Variants in VARS1 observed in about 807,000 individuals in gnomAD.
The protein encoded by VARS1 is valine--tRNA ligase.
VARS1 carries 92 observed loss-of-function variants against 161.0 expected under a neutral mutation model. The ratio of observed to expected loss-of-function variants is 0.57; its 90% CI spans 0.48 to 0.68. VARS1 has a LOEUF of 0.68. Among genes scored for constraint, VARS1 ranks in the 30% least tolerant of loss-of-function variants. The pLI is 0.00. For synonymous variants in VARS1, 595 were observed against 682.5 expected, an observed-to-expected ratio of 0.87 and a Z score of 2.00; for missense variants, 1,338 against 1,695.9, an observed-to-expected ratio of 0.79 and a Z score of 3.71.
rs1813054173 is a variant in VARS1, at chr6:31,780,350, C to T, written c.2925+91G>A. ...TCCCTTTAACTGTCTGTCTCTGTGT[C>T]TATCTGTCCCCCCAGCTACATGGAG... On this transcript the variant is annotated intron_variant, in intron 25 of 29. Transcript: ENST00000375663. This position sits in a 1 kb window ranked among gnomAD's most constrained non-coding sequence, Gnocchi z 5.1. The T allele has an allele frequency of 1.3e-6, 2 of 1,555,186 alleles. No individual in the cohort carries two copies. The highest frequency in any genetic ancestry group is 8.7e-7 in the Non-Finnish European group (1 of 1,150,780).
chr6:31,787,420 G>A (rs1004937654), intron 8 of VARS1, among the ~76,000 whole-genome samples: 6 of 152,180 alleles, frequency 3.9e-5, no homozygotes, highest in Non-Finnish European at 5.9e-5. Flanking sequence ...CGAGGCAGGC[G>A]GCTTACTTCA....
Position 31,792,817 on chromosome 6 carries a change from G to C in VARS1, c.601C>G (p.Arg201Gly), listed in dbSNP as rs775266714. ...FVTCVRQPEF[R>G]AVLGEVVLYS... Reference sequence around the variant, plus strand: ...AGAACCACTTCTCCTAGCACGGCTCGGAATTCTGGCTGCCGGACACACGTG... The same window carrying C: ...AGAACCACTTCTCCTAGCACGGCTCCGAATTCTGGCTGCCGGACACACGTG... The change falls in exon 4 of 30, where the codon CGA becomes GGA. Residue 201 changes from arginine to glycine, a missense_variant. This residue lies in a region of VARS1 where 902 missense variants were observed against 1,090.3 expected (regional missense o/e 0.83). Transcript: ENST00000375663. 1.2e-6 allele frequency: 2 copies of C among 1,614,170 alleles called. No individual in the cohort carries two copies. The highest frequency in any genetic ancestry group is 2.7e-5 in the African/African-American group (2 of 75,030).
chr6:31,783,261 T>C, intron 13 of VARS1, 75 bp from the exon 14 acceptor site: 1 of 1,508,466 alleles, frequency 6.6e-7, no homozygotes, highest in Non-Finnish European at 9.1e-7. Flanking sequence ...TCCCAGAACT[T>C]TGGGAGGCTG....
In VARS1 at chr6:31,792,268, C is replaced by A. The variant is rs753330466; in HGVS notation, c.820G>T (p.Asp274Tyr). Residue 274 changes from aspartate (D) to tyrosine (Y), a missense_variant, in exon 6 of 30, where the codon GAT becomes TAT. Around this residue, in one of 3 missense-constraint regions of VARS1, gnomAD observed 902 missense variants for 1,090.3 expected, o/e 0.83. Coordinates refer to ENST00000375663, the MANE Select transcript of VARS1 (RefSeq NM_006295.3). ...AGGTCATAGGTAATGACCCCAGGAT[C>A]CCGTTTCTCCCTCTTCTCTGGTTTT... The part of the protein sequence containing the change: ...KPKPEKREKR[D>Y]PGVITYDLPT... 3 of 1,613,878 alleles carry A rather than the reference C, an allele frequency of 1.9e-6. No homozygotes were observed. The highest frequency in any genetic ancestry group is 2.7e-5 in the African/African-American group (2 of 74,858).
rs181448138 is a variant in VARS1, at chr6:31,786,501, T to C, written c.1101-768A>G. Among the ~76,000 whole-genome samples the C allele has an allele frequency of 1.4e-4, 21 of 151,610 alleles. No homozygotes were observed. The East Asian group carries it at 4.1e-3, about 29-fold the overall frequency. Reference sequence around the variant, plus strand: ...GACCAACATGGCAAGACCCTGTCTCTACCAAAAATATAAAAATTAGCCAGG... The same window carrying C: ...GACCAACATGGCAAGACCCTGTCTCCACCAAAAATATAAAAATTAGCCAGG... On this transcript the variant is annotated intron_variant, in intron 8 of 29. Coordinates refer to ENST00000375663, the MANE Select transcript of VARS1 (RefSeq NM_006295.3).
rs1813028957 is a variant in VARS1, at chr6:31,780,041, G to A, written c.3038C>T (p.Ala1013Val). The A allele has an allele frequency of 5.6e-6, 9 of 1,614,004 alleles. No individual in the cohort carries two copies. Among genetic ancestry groups the A allele is most frequent in the Non-Finnish European group, 7.6e-6 (9 of 1,180,042 alleles). ...CTCATAGAGCCAGAAGCTGTACTGG[G>A]CAGTGGTGACGGCCGGGAAGTCGTA... ...QAYDFPAVTT[A>V]QYSFWLYELC... Residue 1013 changes from alanine (A) to valine (V), a missense_variant, in exon 26 of 30, where the codon GCC (alanine) becomes GTC (valine). Physicochemically the swap from Ala to Val is moderately conservative, Grantham distance 64. Coordinates refer to ENST00000375663, the MANE Select transcript of VARS1 (RefSeq NM_006295.3). This position sits in a 1 kb window ranked among gnomAD's most constrained non-coding sequence, Gnocchi z 5.1.
chr6:31,787,263 C>A (rs1813568390), intron 8 of VARS1, among the ~76,000 whole-genome samples: 1 of 152,030 alleles, frequency 6.6e-6, no homozygotes, highest in African/African-American at 2.4e-5. Context: ...GTTGATATAA[C>A]TCTATTCCAT....
rs527394232 is a variant in VARS1, at chr6:31,785,048, A to G, written c.1347+198T>C. On this transcript the variant is annotated intron_variant, in intron 10 of 29. Transcript: ENST00000375663. The surrounding 1 kb of genome is among the most constrained non-coding windows in gnomAD (Gnocchi z 6.1). ...GGAATCTGGAGCTCCCAGAGCCAAG[A>G]CAGGGAACATGAAGGGCCATGATAT... Among the ~76,000 whole-genome samples the G allele has an allele frequency of 2.6e-5, 4 of 152,254 alleles. No homozygotes were observed. In the East Asian group the frequency reaches 7.7e-4, roughly 29 times the overall value.
rs970471679 is a variant in VARS1, at chr6:31,778,579, G to A, written c.3726+388C>T. Among the ~76,000 whole-genome samples the A allele has an allele frequency of 6.6e-6, 1 of 151,998 alleles. No homozygotes were observed. The highest frequency in any genetic ancestry group is 1.5e-5 in the Non-Finnish European group (1 of 67,980). ...GGCTCAAGTGCAGTGGCATGATCTCGGCTCACTGCAGTCTTGACCTCCCAG... is the reference window on the plus strand; with the variant it reads ...GGCTCAAGTGCAGTGGCATGATCTCAGCTCACTGCAGTCTTGACCTCCCAG... On this transcript the variant is annotated intron_variant, in intron 29 of 29. Coordinates refer to ENST00000375663, the MANE Select transcript of VARS1 (RefSeq NM_006295.3). The surrounding 1 kb of genome is among the most constrained non-coding windows in gnomAD (Gnocchi z 5.1).
In VARS1 at chr6:31,785,217, G is replaced by T. The variant is rs745770833; in HGVS notation, c.1347+29C>A. On this transcript the variant is annotated intron_variant, in intron 10 of 29. Coordinates refer to ENST00000375663, the MANE Select transcript of VARS1 (RefSeq NM_006295.3). The surrounding 1 kb of genome is among the most constrained non-coding windows in gnomAD (Gnocchi z 6.1). The stretch of plus-strand genomic sequence containing the variant: ...CCACCCTGGGGAGACTCCTACTCCT[G>T]CCCCAGCTTTGACACTCCTCCCACG... 2 of 1,612,400 alleles carry T rather than the reference G, an allele frequency of 1.2e-6. No homozygotes were observed.
chr6:31,782,149 A>C lies in VARS1; in HGVS notation c.2179T>G (p.Trp727Gly). Residue 727 changes from tryptophan to glycine, a missense_variant, in exon 18 of 30, where the codon TGG (tryptophan) becomes GGG (glycine). Physicochemically the swap from Trp to Gly is radical, Grantham distance 184. Transcript: ENST00000375663. This position sits in a 1 kb window ranked among gnomAD's most constrained non-coding sequence, Gnocchi z 8.3. ...REWCISRQLWWGHRIPAYFVT... is the reference protein window; with the variant it reads ...REWCISRQLWGGHRIPAYFVT... The stretch of plus-strand genomic sequence containing the variant: ...AAGTAGGCTGGGATGCGATGGCCCC[A>C]CCACAGCTGCCTGGAAATGCACCAC... 1 of 1,613,946 alleles carries C rather than the reference A, an allele frequency of 6.2e-7. No homozygotes were observed. The highest frequency in any genetic ancestry group is 8.5e-7 in the Non-Finnish European group (1 of 1,179,958).
In VARS1 at chr6:31,795,377, C is replaced by T. The variant is rs1562318450; in HGVS notation, c.-33-127G>A. ...GAGTCCCATAGGACTGAGGGTCTGA[C>T]CAGGCAGGCTGTCAGGAGCCGAGGA... On this transcript the variant is annotated intron_variant, in intron 1 of 29. Coordinates refer to ENST00000375663, the MANE Select transcript of VARS1 (RefSeq NM_006295.3). The surrounding 1 kb of genome is among the most constrained non-coding windows in gnomAD (Gnocchi z 6.9). 1 of 579,812 alleles carries T rather than the reference C, an allele frequency of 1.7e-6. No homozygotes were observed. Among genetic ancestry groups the T allele is most frequent in the Non-Finnish European group, 2.6e-6 (1 of 390,696 alleles). 35.9% of individuals were successfully genotyped at this position (579,812 alleles called of 1,614,324 possible).
In VARS1 at chr6:31,782,287, G is replaced by C. The variant is rs1321846101; in HGVS notation, c.2148C>G (p.Ile716Met). The C allele has an allele frequency of 1.2e-6, 2 of 1,612,528 alleles. No individual in the cohort carries two copies. Among genetic ancestry groups the C allele is most frequent in the African/African-American group, 2.7e-5 (2 of 74,934 alleles). Residue 716 changes from isoleucine to methionine, a missense_variant and splice_region_variant, in exon 17 of 30, where the codon ATC becomes ATG. This residue lies in a region of VARS1 where 902 missense variants were observed against 1,090.3 expected (regional missense o/e 0.83). Transcript: ENST00000375663. The surrounding 1 kb of genome is among the most constrained non-coding windows in gnomAD (Gnocchi z 8.3). ...QRTWHAWMDN[I>M]REWCISRQLW... ...CCCACACTGAGGACCCTACACACCG[G>C]ATGTTGTCCATCCAGGCATGCCATG...
In VARS1 at chr6:31,782,671, C is replaced by T; in HGVS notation, c.1888-38G>A. ...GAGGCCTCATCATGGCGATGCCCAG[C>T]CATCCCTCCATCTCCCTGACCCGGG... On this transcript the variant is annotated intron_variant, in intron 15 of 29. Transcript: ENST00000375663. This position sits in a 1 kb window ranked among gnomAD's most constrained non-coding sequence, Gnocchi z 8.3. 4 of 1,613,088 alleles carry T rather than the reference C, an allele frequency of 2.5e-6. No individual in the cohort carries two copies. Among genetic ancestry groups the T allele is most frequent in the Non-Finnish European group, 3.4e-6 (4 of 1,180,028 alleles).
In VARS1 at chr6:31,791,992, G is replaced by C; in HGVS notation, c.872-21C>G. 1.3e-6 allele frequency: 2 copies of C among 1,553,090 alleles called. No individual in the cohort carries two copies. The highest frequency in any genetic ancestry group is 1.2e-5 in the South Asian group (1 of 81,880). On this transcript the variant is annotated intron_variant, in intron 6 of 29. Coordinates refer to ENST00000375663, the MANE Select transcript of VARS1 (RefSeq NM_006295.3). This position sits in a 1 kb window ranked among gnomAD's most constrained non-coding sequence, Gnocchi z 5.0. ...GACATCTGGGGGAGAGGAAGGGAGG[G>C]CTCAGTGCCGTGGCTGGGAGCACTC...
Position 31,781,993 on chromosome 6 carries a change from T to C in VARS1, c.2242-41A>G, listed in dbSNP as rs1422422069. On this transcript the variant is annotated intron_variant, in intron 18 of 29. Transcript: ENST00000375663. This position sits in a 1 kb window ranked among gnomAD's most constrained non-coding sequence, Gnocchi z 6.8. ...TGATTACCCAAGGGGGTGTGTCTGC[T>C]TCTGGCTCACCCTGCCCCTCCCCCC... is the stretch of plus-strand genomic sequence containing the variant. 1.9e-6 allele frequency: 3 copies of C among 1,612,742 alleles called. No individual in the cohort carries two copies. Among genetic ancestry groups the C allele is most frequent in the Non-Finnish European group, 1.7e-6 (2 of 1,179,622 alleles).
intron 14 of VARS1, 49 bp downstream of exon 14, chr6:31,783,047 G>A (rs772973638): frequency 1.3e-6 from 2 of 1,598,610 alleles, no homozygotes; most frequent in Middle Eastern, 1.7e-4. Context: ...GACAGCTAGG[G>A]TGCAGCTCCA....
Position 31,784,921 on chromosome 6 carries a change from A to G in VARS1, c.1348-207T>C, listed in dbSNP as rs1813402040. Among the ~76,000 whole-genome samples the G allele has an allele frequency of 6.6e-6, 1 of 152,226 alleles. No individual in the cohort carries two copies. Among genetic ancestry groups the G allele is most frequent in the Non-Finnish European group, 1.5e-5 (1 of 68,034 alleles). ...CAGGCAACAAGCCTTGTAATGCTGCAGATGGCGAGGAAGACAATCAGCTGG... is the reference window on the plus strand; with the variant it reads ...CAGGCAACAAGCCTTGTAATGCTGCGGATGGCGAGGAAGACAATCAGCTGG... On this transcript the variant is annotated intron_variant, in intron 10 of 29. Transcript: ENST00000375663. The surrounding 1 kb of genome is among the most constrained non-coding windows in gnomAD (Gnocchi z 6.1).
chr6:31,795,220 T>C lies in VARS1; in HGVS notation c.-3A>G, dbSNP rs1311920787. On this transcript the variant is annotated 5_prime_UTR_variant, in exon 2 of 30. Coordinates refer to ENST00000375663, the MANE Select transcript of VARS1 (RefSeq NM_006295.3). The surrounding 1 kb of genome is among the most constrained non-coding windows in gnomAD (Gnocchi z 6.9). ...GGGGAGACGTAGAGGGTGGACATAG[T>C]TATGAGAAGGTCCGAACGAAGTGGA... 4 of 1,425,848 alleles carry C rather than the reference T, an allele frequency of 2.8e-6. No individual in the cohort carries two copies. The highest frequency in any genetic ancestry group is 4.8e-5 in the Admixed American group (2 of 42,058). The allele number at this position is 1,425,848 out of a possible 1,614,324, so 88.3% of individuals were successfully genotyped here.
Sources: gnomAD v4.1 joint callset for allele counts (sites outside exome capture counted in the v4.1 genomes callset) on GRCh38, gnomAD v4.1.1 for gene constraint, gnomAD v4.1.1 regional missense constraint, Gnocchi (gnomAD v3.1) non-coding constraint, MANE v1.5 for transcripts, NCBI Gene and HGNC (gene_info 2026-07-23, HGNC 2026-07-21) for gene names.